CAMK1: variants seen among roughly 807,000 people sequenced by gnomAD.
The protein encoded by CAMK1 is calcium/calmodulin-dependent protein kinase type 1.
In CAMK1, 39 loss-of-function variants were observed where a neutral mutation model predicts 49.1. The ratio of observed to expected loss-of-function variants is 0.79; its 90% CI spans 0.62 to 1.04. The LOEUF is 1.04. Ranked by LOEUF, CAMK1 falls within the 50% of genes least tolerant of loss-of-function variation. The probability of loss-of-function intolerance (pLI) is 0.00; values close to 1 mark genes in which losing one functional copy is unlikely to be tolerated. For missense variants in CAMK1, 457 were observed against 472.2 expected (o/e 0.97, Z 0.30); for synonymous variants, 192 against 185.2 (o/e 1.04, Z -0.30).
In CAMK1 at chr3:9,767,693, G is replaced by T. The variant is rs372987743; in HGVS notation, c.57C>A (p.Ile19=). ...RWKQAEDIRD[I]YDFRDVLGTG... ...TGCCCAGAACATCTCGGAAGTCGTA[G>T]ATGTCTCTAATGTCCTCCGCCTGCT... is the stretch of plus-strand genomic sequence containing the variant. Residue 19 remains isoleucine (I), a synonymous_variant, in exon 2 of 12, where the codon ATC becomes ATA. Transcript: ENST00000256460. The T allele has an allele frequency of 1.5e-5, 25 of 1,614,030 alleles. No individual in the cohort carries two copies. Among genetic ancestry groups the T allele is most frequent in the East Asian group, 4.5e-5 (2 of 44,890 alleles).
Position 9,765,886 on chromosome 3 carries a change from C to T in CAMK1, c.88G>A (p.Ala30Thr), listed in dbSNP as rs765645330. The T allele has an allele frequency of 6.2e-6, 10 of 1,613,968 alleles. No individual in the cohort carries two copies. In the African/African-American group the frequency reaches 1.2e-4, roughly 19 times the overall value. Residue 30 changes from alanine (A) to threonine (T), a missense_variant, in exon 3 of 12, where the codon GCC becomes ACC. By Grantham distance (58) the Ala-to-Thr change is moderately conservative. Transcript: ENST00000256460. ...TCTGCCAGGATCACCTCCGAGAAGG[C>T]CCCCCTATCGGGAGAGGGGATTCAC... Reference protein sequence around the residue: ...YDFRDVLGTGAFSEVILAEDK... With the variant: ...YDFRDVLGTGTFSEVILAEDK...
intron 2 of CAMK1, 161 bp from the exon 3 acceptor site, chr3:9,766,051 G>T (rs1224353058): frequency 4.4e-6 from 7 of 1,597,630 alleles, no homozygotes; most frequent in Non-Finnish European, 6.0e-6. Flanking sequence ...ATGGTCACAT[G>T]ACCCAGGCCT....
At chr3:9,768,771 C>CT (rs1559707344) in intron 1 of CAMK1, among the ~76,000 whole-genome samples, 1 of 152,206 alleles carries the variant, frequency 6.6e-6, no homozygotes, top group Non-Finnish European at 1.5e-5. Flanking sequence ...CTCTTTTTCT[C>CT]TAAGGGAGAA....
intron 3 of CAMK1, 58 bp from the exon 4 acceptor site, chr3:9,763,271 G>A: frequency 5.6e-6 from 9 of 1,609,072 alleles, no homozygotes; most frequent in Non-Finnish European, 6.8e-6. Context: ...TGTAGTCCAA[G>A]CTACTTGGGA....
Position 9,760,711 on chromosome 3 carries a change from A to G in CAMK1, c.690T>C (p.Ile230=). 1 of 1,614,058 alleles carries G rather than the reference A, an allele frequency of 6.2e-7. No homozygotes were observed. Among genetic ancestry groups the G allele is most frequent in the Non-Finnish European group, 8.5e-7 (1 of 1,179,994 alleles). The change falls in exon 8 of 12, where the codon ATT becomes ATC. Residue 230 remains isoleucine (I), a synonymous_variant. Transcript: ENST00000256460. ...DENDAKLFEQ[I]LKAEYEFDSP... Reference sequence around the variant, plus strand: ...AGTCAAACTCGTACTCGGCCTTCAAAATCTGTTCAAAGAGTTTGGCATCAT... The same window carrying G: ...AGTCAAACTCGTACTCGGCCTTCAAGATCTGTTCAAAGAGTTTGGCATCAT...
At chr3:9,759,809 C>T (rs1211220095) in intron 8 of CAMK1, 59 bp from the exon 9 acceptor site, 1 of 1,613,496 alleles carries the variant, frequency 6.2e-7, no homozygotes, top group Non-Finnish European at 8.5e-7. Context: ...GTGTACTCCC[C>T]AAGAGCATAC....
At chr3:9,758,066 TA>T (rs1273128338) in intron 10 of CAMK1, 1 of 590,510 alleles carries the variant, frequency 1.7e-6, no homozygotes, top group Non-Finnish European at 2.8e-6. Context: ...TCTATATATA[TA>T]AATAGAAACA....
chr3:9,757,396 T>C lies in CAMK1; in HGVS notation c.*143A>G. On this transcript the variant is annotated 3_prime_UTR_variant, in exon 12 of 12. Transcript: ENST00000256460. The surrounding 1 kb of genome is among the most constrained non-coding windows in gnomAD (Gnocchi z 4.5). ...AGAAGGAACAATAAAATAGAAACATTTGTATGGAAAATGCAGTGAGGAGTG... is the reference window on the plus strand; with the variant it reads ...AGAAGGAACAATAAAATAGAAACATCTGTATGGAAAATGCAGTGAGGAGTG... 2 of 1,611,478 alleles carry C rather than the reference T, an allele frequency of 1.2e-6. No individual in the cohort carries two copies.
chr3:9,757,848 TGGCATTGAA>T lies in CAMK1; in HGVS notation c.913-11_913-3del, dbSNP rs755568299. Reference sequence around the variant, plus strand: ...CACAGCCGTGGCATTGAAGGCTTGCTGGCATTGAAGGCATTGAAGGGAGAGGGGAGAAAG... The same window carrying T: ...CACAGCCGTGGCATTGAAGGCTTGCTGGCATTGAAGGGAGAGGGGAGAAAG... On this transcript the variant is annotated splice_region_variant and splice_polypyrimidine_tract_variant and intron_variant, in intron 10 of 11. Coordinates refer to ENST00000256460, the MANE Select transcript of CAMK1 (RefSeq NM_003656.5). This position sits in a 1 kb window ranked among gnomAD's most constrained non-coding sequence, Gnocchi z 4.5. The T allele has an allele frequency of 8.1e-6, 13 of 1,603,114 alleles. No individual in the cohort carries two copies. The highest frequency in any genetic ancestry group is 4.0e-5 in the African/African-American group (3 of 74,744).
At position 9,759,499 on chromosome 3, in the gene CAMK1, T is replaced by C; in HGVS notation, c.901A>G (p.Ser301Gly). 4 of 1,614,176 alleles carry C rather than the reference T, an allele frequency of 2.5e-6. No homozygotes were observed. Among genetic ancestry groups the C allele is most frequent in the Non-Finnish European group, 3.4e-6 (4 of 1,180,040 alleles). ...GGATATGGACTCACCTTCCACTTGC[T>C]CTTGGCAAAGTTCTTCTTGATCTGC... ...SEQIKKNFAK[S>G]KWKQAFNATA... The change falls in exon 10 of 12, where the codon AGC (serine) becomes GGC (glycine). Residue 301 changes from serine (S) to glycine (G), a missense_variant. Ser to Gly is a moderately conservative substitution (Grantham distance 56, BLOSUM62 0). Transcript: ENST00000256460.
intron 3 of CAMK1, 90 bp from the exon 4 acceptor site, chr3:9,763,303 G>A (rs1420193564): frequency 9.8e-6 from 15 of 1,529,470 alleles, no homozygotes; most frequent in Non-Finnish European, 1.3e-5. Context: ...TGAGGCAGGA[G>A]GATCACTTGG....
intron 3 of CAMK1, 190 bp from the exon 4 acceptor site, chr3:9,763,403 CAAAA>C (rs571944870): frequency 2.8e-4 from 21 of 76,110 alleles, no homozygotes; most frequent in Non-Finnish European, 5.0e-4. Flanking sequence ...GACCCTGTCT[CAAAA>C]AAAAAAAAAA....
At chr3:9,762,814 C>T in intron 5 of CAMK1, 100 bp downstream of exon 5, 1 of 1,170,160 alleles carries the variant, frequency 8.5e-7, no homozygotes, top group Non-Finnish European at 1.2e-6. Flanking sequence ...AAATCCAAGG[C>T]TCAGTGAGGG....
chr3:9,768,439 T>C (rs2078216639), intron 1 of CAMK1, among the ~76,000 whole-genome samples: 1 of 152,194 alleles, frequency 6.6e-6, no homozygotes, highest in South Asian at 2.1e-4. Flanking sequence ...TCTAACCCTA[T>C]CCAGCCTGGC....
intron 5 of CAMK1, 52 bp downstream of exon 5, chr3:9,762,862 C>G (rs370639619): frequency 4.3e-5 from 69 of 1,589,448 alleles, no homozygotes; most frequent in Non-Finnish European, 5.7e-5. Context: ...TTGGGGTTTG[C>G]AAAGGCCCCA....
chr3:9,760,576 C>T (rs1384615600), intron 8 of CAMK1, 80 bp downstream of exon 8: 4 of 1,431,032 alleles, frequency 2.8e-6, no homozygotes, highest in Non-Finnish European at 3.9e-6. Context: ...AGAAGGAAGG[C>T]AGGAGGGAGA....
At position 9,763,000 on chromosome 3, in the gene CAMK1, C is replaced by T; in HGVS notation, c.343G>A (p.Glu115Lys). The T allele has an allele frequency of 6.2e-7, 1 of 1,614,184 alleles. No homozygotes were observed. Among genetic ancestry groups the T allele is most frequent in the Non-Finnish European group, 8.5e-7 (1 of 1,180,042 alleles). Reference sequence around the variant, plus strand: ...AAGATGAGGCGGCTGGCGTCCCGCTCCGTGTAGAAGCCTTTTTCCACAATA... The same window carrying T: ...AAGATGAGGCGGCTGGCGTCCCGCTTCGTGTAGAAGCCTTTTTCCACAATA... ...DRIVEKGFYTERDASRLIFQV... is the reference protein window; with the variant it reads ...DRIVEKGFYTKRDASRLIFQV... Residue 115 changes from glutamate to lysine, a missense_variant, in exon 5 of 12, where the codon GAG becomes AAG. Glu to Lys is a moderately conservative substitution (Grantham distance 56, BLOSUM62 1). Transcript: ENST00000256460.
intron 2 of CAMK1, chr3:9,766,763 A>G (rs1042518792): frequency 8.3e-5 from 33 of 395,394 alleles, no homozygotes; most frequent in African/African-American, 6.8e-4. Context: ...TGAAATTTCA[A>G]TCCTCAGGGA....
At position 9,767,777 on chromosome 3, in the gene CAMK1, G is replaced by A. The variant is rs1215301684; in HGVS notation, c.-28C>T. On this transcript the variant is annotated 5_prime_UTR_variant, in exon 2 of 12. Coordinates refer to ENST00000256460, the MANE Select transcript of CAMK1 (RefSeq NM_003656.5). ...CCCACTGCCCCCCGACCACAGCCAG[G>A]GCTCCTGTAAGGAGAATGGAAGGAG... 1.9e-6 allele frequency: 3 copies of A among 1,613,290 alleles called. No homozygotes were observed. The South Asian group carries it at 3.3e-5, about 18-fold the overall frequency.
Sources: allele counts gnomAD v4.1 joint callset (sites outside exome capture counted in the v4.1 genomes callset), GRCh38; gene constraint gnomAD v4.1.1; non-coding constraint Gnocchi (gnomAD v3.1); transcripts MANE v1.5; gene names NCBI Gene and HGNC (gene_info 2026-07-23, HGNC 2026-07-21).